NTM: variants seen among roughly 807,000 people sequenced by gnomAD.
The protein encoded by NTM is neurotrimin.
Under a neutral mutation model 42.1 loss-of-function variants are expected in NTM, and 13 were observed. The observed-to-expected ratio is 0.31, with a 90% CI of 0.20 to 0.49. NTM has a LOEUF of 0.49. NTM is among the 20% of genes least tolerant of loss of function. The probability of loss-of-function intolerance (pLI) is 0.99; values close to 1 mark genes in which losing one functional copy is unlikely to be tolerated. For missense variants in NTM, 373 were observed against 452.8 expected (o/e 0.82, Z 1.60); for synonymous variants, 187 against 179.2 (o/e 1.04, Z -0.35).
intron 4 of NTM, among the ~76,000 whole-genome samples, chr11:132,231,845 T>C (rs2087629537): frequency 7.7e-6 from 1 of 129,496 alleles, no homozygotes; most frequent in Admixed American, 7.7e-5. Flanking sequence ...ATCAAGATGC[T>C]GCTGGCCTCA....
chr11:132,142,166 C>T (rs6590626), intron 2 of NTM, among the ~76,000 whole-genome samples: 4 of 152,196 alleles, frequency 2.6e-5, no homozygotes, highest in Admixed American at 1.3e-4. Context: ...GGGAACATCC[C>T]GCCCTTTTGA....
intron 1 of NTM, among the ~76,000 whole-genome samples, chr11:131,607,218 C>A (rs1000447326): frequency 1.3e-5 from 2 of 152,252 alleles, no homozygotes; most frequent in Non-Finnish European, 2.9e-5. Context: ...AAATGGTGAG[C>A]AAAATTGCCT....
intron 2 of NTM, among the ~76,000 whole-genome samples, chr11:131,913,843 C>T (rs2055765472): frequency 6.6e-6 from 1 of 152,122 alleles, no homozygotes; most frequent in Non-Finnish European, 1.5e-5. Context: ...AGAGAAAGGC[C>T]CTGACAGTGG....
intron 2 of NTM, among the ~76,000 whole-genome samples, chr11:132,104,993 TTC>T (rs2062171400): frequency 9.8e-6 from 1 of 101,612 alleles, no homozygotes; most frequent in Non-Finnish European, 1.9e-5. Flanking sequence ...ATATATATAT[TTC>T]ATGGGAAGCC....
At chr11:131,979,666 C>T (rs1181167040) in intron 2 of NTM, among the ~76,000 whole-genome samples, 1 of 152,180 alleles carries the variant, frequency 6.6e-6, no homozygotes, top group Non-Finnish European at 1.5e-5. Context: ...GAGCCACTTG[C>T]CTCACTATTA....
At chr11:131,663,797 C>G (rs1177431322) in intron 1 of NTM, among the ~76,000 whole-genome samples, 2 of 152,162 alleles carry the variant, frequency 1.3e-5, no homozygotes, top group Non-Finnish European at 2.9e-5. Flanking sequence ...ACAATACACA[C>G]ACACACACAG....
intron 1 of NTM, among the ~76,000 whole-genome samples, chr11:131,375,943 A>T (rs1267521660): frequency 6.7e-6 from 1 of 150,318 alleles, no homozygotes. Context: ...CCTTCTGCCC[A>T]CTCCCCCTAC....
intron 1 of NTM, among the ~76,000 whole-genome samples, chr11:131,477,349 C>T (rs953025624): frequency 1.3e-5 from 2 of 152,022 alleles, no homozygotes; most frequent in African/African-American, 2.4e-5. Flanking sequence ...CCCTAACTCA[C>T]GTCTCCCAAC....
At position 131,555,116 on chromosome 11, in the gene NTM, C is replaced by G. The variant is rs569705176; in HGVS notation, c.82+184228C>G. 3.3e-5 allele frequency among the ~76,000 whole-genome samples: 5 copies of G among 152,060 alleles called. No individual in the cohort carries two copies. The East Asian group carries it at 9.7e-4, about 29-fold the overall frequency. ...ATTTGAAGCTGCAGTGAGCTATGGT[C>G]GTGCCACTGCACTCCAGGCTGGGCA... On this transcript the variant is annotated intron_variant, in intron 1 of 8. Transcript: ENST00000683400.
chr11:132,109,613 AC>A (rs2062891154), intron 2 of NTM, among the ~76,000 whole-genome samples: 1 of 152,242 alleles, frequency 6.6e-6, no homozygotes, highest in African/African-American at 2.4e-5. Context: ...GTCAAGACCT[AC>A]ACGAGTTAGC....
intron 2 of NTM, among the ~76,000 whole-genome samples, chr11:132,065,983 A>T (rs149128180): frequency 6.6e-6 from 1 of 152,178 alleles, no homozygotes; most frequent in Admixed American, 6.5e-5. Flanking sequence ...TTTTTTTCCA[A>T]TGTAAATTGG....
At chr11:132,115,833 G>A (rs901468355) in intron 2 of NTM, among the ~76,000 whole-genome samples, 1 of 152,170 alleles carries the variant, frequency 6.6e-6, no homozygotes, top group Non-Finnish European at 1.5e-5. Flanking sequence ...CACACTATGT[G>A]GCAAGGGCTG....
At chr11:131,790,048 A>G (rs1177555740) in intron 1 of NTM, among the ~76,000 whole-genome samples, 4 of 151,206 alleles carry the variant, frequency 2.6e-5, no homozygotes, top group South Asian at 4.2e-4. Flanking sequence ...GTCACTGTTG[A>G]GACTCAAATT....
At chr11:131,371,897 A>C (rs796884089) in intron 1 of NTM, among the ~76,000 whole-genome samples, 1 of 152,198 alleles carries the variant, frequency 6.6e-6, no homozygotes, top group South Asian at 2.1e-4. Context: ...GGGCTCCGGG[A>C]GGAGGAGCCC....
Position 131,957,500 on chromosome 11 carries a change from G to A in NTM, c.167+45852G>A, listed in dbSNP as rs73580799. Among the ~76,000 whole-genome samples the A allele has an allele frequency of 8.8e-3, 1,337 of 152,212 alleles. 15 individuals are homozygous for A. The highest frequency in any genetic ancestry group is 0.03 in the African/African-American group (1,257 of 41,510). ...AAAATTTTTCTTAATGTTCACTAGC[G>A]CTAAGATCATTCTGAAACCTCTCCC... is the stretch of plus-strand genomic sequence containing the variant. On this transcript the variant is annotated intron_variant, in intron 2 of 8. Coordinates refer to ENST00000683400, the MANE Select transcript of NTM (RefSeq NM_001352005.2).
At chr11:131,557,210 T>G (rs889246919) in intron 1 of NTM, among the ~76,000 whole-genome samples, 24 of 152,332 alleles carry the variant, frequency 1.6e-4, no homozygotes, top group African/African-American at 5.1e-4. Context: ...ACTAGGTTGC[T>G]ATGTATGTCT....
At chr11:131,390,923 C>T (rs541716759) in intron 1 of NTM, among the ~76,000 whole-genome samples, 1 of 152,184 alleles carries the variant, frequency 6.6e-6, no homozygotes, top group African/African-American at 2.4e-5. Context: ...CCAGAGGTAC[C>T]AGGAGGTGCT....
chr11:131,544,458 G>A (rs900332929), intron 1 of NTM, among the ~76,000 whole-genome samples: 2 of 151,718 alleles, frequency 1.3e-5, no homozygotes, highest in Non-Finnish European at 2.9e-5. Flanking sequence ...AATTATCCCT[G>A]TTGTGAATCC....
chr11:131,470,469 GTAAT>G (rs1412235917), intron 1 of NTM, among the ~76,000 whole-genome samples: 2 of 152,202 alleles, frequency 1.3e-5, no homozygotes, highest in African/African-American at 2.4e-5. Flanking sequence ...TGATGAGAGA[GTAAT>G]TAATCTTGTC....
Sources: allele counts gnomAD v4.1 joint callset (sites outside exome capture counted in the v4.1 genomes callset), GRCh38; gene constraint gnomAD v4.1.1; transcripts MANE v1.5; gene names NCBI Gene and HGNC (gene_info 2026-07-23, HGNC 2026-07-21).